The following BCL11A variants were observed in gnomAD, a reference collection of about 807,000 sequenced individuals.
The protein encoded by BCL11A is BCL11 transcription factor A.
BCL11A carries 2 observed loss-of-function variants against 55.9 expected under a neutral mutation model. The observed-to-expected ratio is 0.04, with a 90% CI of 0.01 to 0.11. The LOEUF is 0.11. BCL11A is among the 10% of genes least tolerant of loss of function. The pLI is 1.00. For missense variants in BCL11A, 817 were observed against 1,137.1 expected (o/e 0.72, Z 4.05); for synonymous variants, 465 against 473.4 (o/e 0.98, Z 0.23).
At position 60,461,605 on chromosome 2, in the gene BCL11A, A is replaced by C; in HGVS notation, c.1307T>G (p.Val436Gly). 6.2e-7 allele frequency: 1 copy of C among 1,613,338 alleles called. No homozygotes were observed. Among genetic ancestry groups the C allele is most frequent in the Non-Finnish European group, 8.5e-7 (1 of 1,180,012 alleles). The change falls in exon 4 of 4, where the codon GTC becomes GGC. Residue 436 changes from valine (V) to glycine (G), a missense_variant. Val to Gly is a moderately radical substitution (Grantham distance 109). This residue lies in a region of BCL11A where 45 missense variants were observed against 109.0 expected (regional missense o/e 0.41). Coordinates refer to ENST00000642384, the MANE Select transcript of BCL11A (RefSeq NM_022893.4). ...THMHKSSPMT[V>G]KSDDGLSTAS... Reference sequence around the variant, plus strand: ...GGTGGAGAGACCGTCGTCGGACTTGACCGTCATGGGGGACGATTTGTGCAT... The same window carrying C: ...GGTGGAGAGACCGTCGTCGGACTTGCCCGTCATGGGGGACGATTTGTGCAT...
At chr2:60,540,946 T>TG in intron 2 of BCL11A, among the ~76,000 whole-genome samples, 2 of 140,318 alleles carry the variant, frequency 1.4e-5, no homozygotes, top group East Asian at 4.3e-4. Flanking sequence ...AGCACTGGTT[T>TG]TGTGTGTGTG....
chr2:60,511,701 G>A (rs572259874), intron 2 of BCL11A, among the ~76,000 whole-genome samples: 8 of 152,160 alleles, frequency 5.3e-5, no homozygotes, highest in East Asian at 1.9e-4. Context: ...CTCAGTCAAC[G>A]TATTTTCCAA....
At chr2:60,468,611 A>C in intron 3 of BCL11A, 121 bp downstream of exon 3, 1 of 705,416 alleles carries the variant, frequency 1.4e-6, no homozygotes, top group Non-Finnish European at 2.4e-6. Flanking sequence ...GTAATGGAAT[A>C]ATACATATGA....
chr2:60,454,198 C>G (rs186571700), downstream of BCL11A, among the ~76,000 whole-genome samples: 61 of 152,228 alleles, frequency 4.0e-4, no homozygotes, highest in African/African-American at 1.5e-3. Context: ...CAGTTCATAG[C>G]TATAGCAGCC....
chr2:60,543,595 T>C (rs973151342), intron 2 of BCL11A: 7 of 152,198 alleles, frequency 4.6e-5, no homozygotes, highest in East Asian at 1.9e-4. Context: ...AACTTCACCA[T>C]AGGAAACTCT....
chr2:60,535,961 C>A (rs1218325605), intron 2 of BCL11A: 3 of 152,200 alleles, frequency 2.0e-5, no homozygotes, highest in Non-Finnish European at 4.4e-5. Flanking sequence ...ACCTTGCTAA[C>A]CTCCTGACAT....
chr2:60,522,852 A>T (rs906440753), intron 2 of BCL11A: 5 of 152,254 alleles, frequency 3.3e-5, no homozygotes, highest in Admixed American at 6.5e-5. Context: ...TATGTCAGTT[A>T]TGTTCCAAAT....
chr2:60,497,935 C>G (rs1366134012), intron 2 of BCL11A, among the ~76,000 whole-genome samples: 2 of 152,042 alleles, frequency 1.3e-5, no homozygotes, highest in African/African-American at 4.8e-5. Flanking sequence ...CTGGACCCAC[C>G]GCTTCATTGG....
At chr2:60,537,573 A>G (rs1308950974) in intron 2 of BCL11A, 2 of 152,342 alleles carry the variant, frequency 1.3e-5, no homozygotes, top group East Asian at 1.9e-4. Context: ...AAAACTCTAT[A>G]TTTAAAATGT....
At chr2:60,520,012 C>A (rs1246768132) in intron 2 of BCL11A, among the ~76,000 whole-genome samples, 1 of 152,172 alleles carries the variant, frequency 6.6e-6, no homozygotes, top group African/African-American at 2.4e-5. Flanking sequence ...ATTGTATCCT[C>A]TTCAAATAAT....
downstream of BCL11A, chr2:60,452,729 G>T: frequency 7.6e-7 from 1 of 1,317,268 alleles, no homozygotes; most frequent in South Asian, 1.2e-5. Context: ...TTGGCCCAAT[G>T]ATTTTCTGTT....
At chr2:60,452,582 T>C (rs1486407158), downstream of BCL11A, 2 of 1,613,302 alleles carry the variant, frequency 1.2e-6, no homozygotes, top group South Asian at 2.2e-5. Context: ...TTCTCAGAAC[T>C]TAAGGGCTCT....
At chr2:60,494,964 T>C (rs551697336) in intron 2 of BCL11A, among the ~76,000 whole-genome samples, 1 of 152,116 alleles carries the variant, frequency 6.6e-6, no homozygotes, top group African/African-American at 2.4e-5. Flanking sequence ...TGGTACCTGA[T>C]AGGTGCCTAT....
At chr2:60,478,860 C>A (rs1313869156) in intron 2 of BCL11A, among the ~76,000 whole-genome samples, 2 of 152,250 alleles carry the variant, frequency 1.3e-5, no homozygotes, top group African/African-American at 2.4e-5. Context: ...AGTGCCTCAG[C>A]ACCTTCCCGC....
At chr2:60,478,671 G>A (rs982095765) in intron 2 of BCL11A, among the ~76,000 whole-genome samples, 1 of 152,242 alleles carries the variant, frequency 6.6e-6, no homozygotes, top group Non-Finnish European at 1.5e-5. Flanking sequence ...AAAAAAAATG[G>A]TCTAGCAGGT....
At chr2:60,467,121 T>C (rs1676677288) in intron 3 of BCL11A, among the ~76,000 whole-genome samples, 1 of 139,830 alleles carries the variant, frequency 7.2e-6, no homozygotes, top group Non-Finnish European at 1.6e-5. Context: ...GTGGTGGTGG[T>C]GGTGGTGATG....
rs546305549 is a variant in BCL11A, at chr2:60,516,917, C to A, written c.385+29054G>T. 2.6e-5 allele frequency among the ~76,000 whole-genome samples: 4 copies of A among 152,178 alleles called. No individual in the cohort carries two copies. The East Asian group carries it at 7.7e-4, about 29-fold the overall frequency. ...CAGATTCTAAAGAGAGGCATAGAAA[C>A]AATAAATGGGTTACAAGATAATAGA... On this transcript the variant is annotated intron_variant, in intron 2 of 3. Coordinates refer to ENST00000642384, the MANE Select transcript of BCL11A (RefSeq NM_022893.4).
intron 2 of BCL11A, among the ~76,000 whole-genome samples, chr2:60,530,724 C>A (rs1322011369): frequency 4.0e-5 from 6 of 151,710 alleles, no homozygotes; most frequent in Non-Finnish European, 1.5e-5. Context: ...AAAGGCTTGG[C>A]TGCACTGGGG....
intron 2 of BCL11A, among the ~76,000 whole-genome samples, chr2:60,495,030 G>C (rs1402205404): frequency 6.6e-6 from 1 of 151,298 alleles, no homozygotes; most frequent in East Asian, 1.9e-4. Context: ...TATGAGGAGG[G>C]GAGAGTGCAG....
Sources: gnomAD v4.1 joint callset for allele counts (sites outside exome capture counted in the v4.1 genomes callset) on GRCh38, gnomAD v4.1.1 for gene constraint, gnomAD v4.1.1 regional missense constraint, MANE v1.5 for transcripts, NCBI Gene and HGNC (gene_info 2026-07-23, HGNC 2026-07-21) for gene names.